HTR2A: variants seen among roughly 807,000 people sequenced by gnomAD.
HTR2A encodes 5-hydroxytryptamine receptor 2A.
A neutral mutation model predicts 31.0 loss-of-function variants in HTR2A; 14 were observed. That is an observed-to-expected ratio of 0.45 (90% CI 0.30 to 0.71). The LOEUF (loss-of-function observed/expected upper bound fraction) is 0.71. HTR2A is among the 30% of genes least tolerant of loss of function. HTR2A has a pLI of 0.09. For synonymous variants in HTR2A, 209 were observed against 225.2 expected, an observed-to-expected ratio of 0.93 and a Z score of 0.64; for missense variants, 442 against 573.3, an observed-to-expected ratio of 0.77 and a Z score of 2.34.
chr13:46,882,085 C>T (rs1950969793), intron 3 of HTR2A, among the ~76,000 whole-genome samples: 1 of 151,748 alleles, frequency 6.6e-6, no homozygotes, highest in Admixed American at 6.6e-5. Flanking sequence ...AAAAATAAGA[C>T]CAAAAAAAGT....
intron 3 of HTR2A, among the ~76,000 whole-genome samples, chr13:46,855,497 G>A (rs181031288): frequency 1.2e-3 from 177 of 152,142 alleles, no homozygotes; most frequent in African/African-American, 3.9e-3. Context: ...GTGGGTGGAT[G>A]GGGAAGGTGC....
intron 3 of HTR2A, among the ~76,000 whole-genome samples, chr13:46,836,760 G>A (rs1418405506): frequency 6.6e-6 from 1 of 152,006 alleles, no homozygotes; most frequent in Non-Finnish European, 1.5e-5. Context: ...CATTCAATCT[G>A]AAAATATTTA....
chr13:46,891,307 C>A (rs1010300431), intron 3 of HTR2A, among the ~76,000 whole-genome samples: 4 of 152,148 alleles, frequency 2.6e-5, no homozygotes, highest in African/African-American at 9.7e-5. Flanking sequence ...TCAATAAAAT[C>A]CTTGTTGTGC....
chr13:46,883,518 C>T (rs369187529), intron 3 of HTR2A, among the ~76,000 whole-genome samples: 10 of 152,210 alleles, frequency 6.6e-5, no homozygotes, highest in South Asian at 4.2e-4. Flanking sequence ...TGTCAGAATA[C>T]GGCAATGTGA....
chr13:46,876,399 TA>T (rs764101845), intron 3 of HTR2A, among the ~76,000 whole-genome samples: 21,310 of 90,446 alleles, frequency 0.24, 3,084 homozygotes, highest in East Asian at 0.36. Flanking sequence ...TATATATATA[TA>T]TATATTTTTT....
intron 3 of HTR2A, among the ~76,000 whole-genome samples, chr13:46,876,537 G>A (rs959951523): frequency 7.3e-5 from 11 of 150,338 alleles, no homozygotes; most frequent in African/African-American, 2.7e-4. Context: ...AGCCTCCTGA[G>A]TAGCTGGGAC....
intron 3 of HTR2A, among the ~76,000 whole-genome samples, chr13:46,848,333 CAAG>C (rs1266498018): frequency 6.6e-6 from 1 of 152,138 alleles, no homozygotes; most frequent in Non-Finnish European, 1.5e-5. Flanking sequence ...CAGCTTTAAT[CAAG>C]AAGTTTATCT....
rs916320431 is a variant in HTR2A, at chr13:46,834,693, T to G, written c.*144A>C. On this transcript the variant is annotated 3_prime_UTR_variant, in exon 4 of 4. Transcript: ENST00000542664. ...TTGTAGCATTGAACCCCGCTTTTCA[T>G]TGACAGAATAAAATGAGGCATACAG... 1 of 623,386 alleles carries G rather than the reference T, an allele frequency of 1.6e-6. No individual in the cohort carries two copies. Among genetic ancestry groups the G allele is most frequent in the Middle Eastern group, 3.5e-4 (1 of 2,822 alleles). The allele number at this position is 623,386 out of a possible 1,614,324, so 38.6% of individuals were successfully genotyped here.
At chr13:46,886,608 C>T (rs1298765484) in intron 3 of HTR2A, among the ~76,000 whole-genome samples, 1 of 152,064 alleles carries the variant, frequency 6.6e-6, no homozygotes, top group Non-Finnish European at 1.5e-5. Flanking sequence ...ATTAGTACCA[C>T]ATAAAGCAGA....
chr13:46,852,458 C>T (rs1230951759), intron 3 of HTR2A, among the ~76,000 whole-genome samples: 1 of 152,242 alleles, frequency 6.6e-6, no homozygotes, highest in African/African-American at 2.4e-5. Flanking sequence ...ACTGCGGTAA[C>T]AGCCTTGCCT....
chr13:46,876,394 ATATATATATATTTTT>A, intron 3 of HTR2A, among the ~76,000 whole-genome samples: 2 of 83,870 alleles, frequency 2.4e-5, no homozygotes, highest in Admixed American at 3.0e-4. Flanking sequence ...TCATATATAT[ATATATATATATTTTT>A]TTTTTTTTTT....
At chr13:46,884,037 G>T (rs1950987061) in intron 3 of HTR2A, among the ~76,000 whole-genome samples, 1 of 152,226 alleles carries the variant, frequency 6.6e-6, no homozygotes, top group Admixed American at 6.5e-5. Flanking sequence ...AGGTGAAAAT[G>T]TGTCAGATCC....
At chr13:46,846,790 T>C (rs1950646259) in intron 3 of HTR2A, among the ~76,000 whole-genome samples, 1 of 152,220 alleles carries the variant, frequency 6.6e-6, no homozygotes, top group African/African-American at 2.4e-5. Context: ...TGGGACTTTT[T>C]TCACAGGTGT....
intron 3 of HTR2A, among the ~76,000 whole-genome samples, chr13:46,876,579 T>G (rs758764241): frequency 2.2e-4 from 34 of 151,330 alleles, no homozygotes; most frequent in Non-Finnish European, 4.6e-4. Flanking sequence ...CCTACTAATT[T>G]TCTTTTTTTT....
At chr13:46,836,851 A>G (rs1876469025) in intron 3 of HTR2A, among the ~76,000 whole-genome samples, 1 of 152,202 alleles carries the variant, frequency 6.6e-6, no homozygotes, top group South Asian at 2.1e-4. Context: ...ATAGAAGTTT[A>G]ATATTTCCTT....
intron 3 of HTR2A, among the ~76,000 whole-genome samples, chr13:46,841,245 C>T (rs1376148694): frequency 7.9e-5 from 12 of 152,070 alleles, no homozygotes; most frequent in African/African-American, 2.7e-4. Flanking sequence ...CAGACTAATA[C>T]GCCGATGTTG....
intron 3 of HTR2A, among the ~76,000 whole-genome samples, chr13:46,866,481 T>C (rs1007509738): frequency 1.3e-5 from 2 of 152,350 alleles, no homozygotes; most frequent in Admixed American, 1.3e-4. Flanking sequence ...AGTAATGCAC[T>C]TGAAGTCACA....
At chr13:46,896,596 A>T in intron 1 of HTR2A, 78 bp downstream of exon 1, 1 of 1,078,676 alleles carries the variant, frequency 9.3e-7, no homozygotes, top group East Asian at 2.8e-5. Flanking sequence ...CATTGAAATG[A>T]TTACATGTTG....
intron 3 of HTR2A, among the ~76,000 whole-genome samples, chr13:46,884,847 C>T (rs768221789): frequency 4.0e-5 from 6 of 151,756 alleles, no homozygotes; most frequent in Admixed American, 1.3e-4. Flanking sequence ...TATATCTCCA[C>T]ATATTATCAC....
Sources: gnomAD v4.1 joint callset for allele counts (sites outside exome capture counted in the v4.1 genomes callset) on GRCh38, gnomAD v4.1.1 for gene constraint, MANE v1.5 for transcripts, NCBI Gene and HGNC (gene_info 2026-07-23, HGNC 2026-07-21) for gene names.